ARHGAP35: variants seen among roughly 807,000 people sequenced by gnomAD.
ARHGAP35 encodes the protein Rho GTPase activating protein 35.
ARHGAP35 carries 15 observed loss-of-function variants against 111.1 expected under a neutral mutation model. The ratio of observed to expected loss-of-function variants is 0.13; its 90% CI spans 0.09 to 0.21. ARHGAP35 has a LOEUF of 0.21. ARHGAP35 is among the 10% of genes least tolerant of loss of function. The pLI is 1.00. For missense variants in ARHGAP35, 1,262 were observed against 1,873.0 expected (o/e 0.67, Z 6.02); for synonymous variants, 643 against 710.3 (o/e 0.91, Z 1.51).
At chr19:46,868,428 G>A (rs879492596) in intron 1 of ARHGAP35, among the ~76,000 whole-genome samples, 3 of 152,220 alleles carry the variant, frequency 2.0e-5, no homozygotes, top group Non-Finnish European at 4.4e-5. Context: ...TCTGATTAAT[G>A]TCTGGCTCCT....
At chr19:46,886,470 A>C (rs575429839) in intron 1 of ARHGAP35, among the ~76,000 whole-genome samples, 1 of 151,590 alleles carries the variant, frequency 6.6e-6, no homozygotes, top group African/African-American at 2.4e-5. Flanking sequence ...AAATGCTTTC[A>C]CTAGCTGAAA....
rs1180180521 is a variant in ARHGAP35, at chr19:46,918,572, T to C, written c.-104T>C. The C allele has an allele frequency of 8.4e-7, 1 of 1,184,274 alleles. No individual in the cohort carries two copies. The highest frequency in any genetic ancestry group is 2.3e-5 in the East Asian group (1 of 42,646). 73.4% of individuals were successfully genotyped at this position (1,184,274 alleles called of 1,614,324 possible). A position where few individuals can be genotyped will look rare whatever the true frequency, so the allele number is the denominator to read the frequency against. Reference sequence around the variant, plus strand: ...ACACTATGGGACCTGGCATTTTTGCTGCATGTCCAGCCCACCCCCACTAAT... The same window carrying C: ...ACACTATGGGACCTGGCATTTTTGCCGCATGTCCAGCCCACCCCCACTAAT... On this transcript the variant is annotated 5_prime_UTR_variant, in exon 2 of 7. Coordinates refer to ENST00000672722, the MANE Select transcript of ARHGAP35 (RefSeq NM_004491.5). The surrounding 1 kb of genome is among the most constrained non-coding windows in gnomAD (Gnocchi z 5.4).
intron 1 of ARHGAP35, among the ~76,000 whole-genome samples, chr19:46,911,923 A>C (rs2056139463): frequency 6.6e-6 from 1 of 152,230 alleles, no homozygotes; most frequent in African/African-American, 2.4e-5. Context: ...AGGAAAAACA[A>C]AAACCCTAAG....
At chr19:46,973,614 C>T (rs1568484216) in intron 3 of ARHGAP35, among the ~76,000 whole-genome samples, 1 of 151,918 alleles carries the variant, frequency 6.6e-6, no homozygotes, top group East Asian at 1.9e-4. Context: ...TGGCGTGAAC[C>T]CAGGAGGCAG....
rs891038823 is a variant in ARHGAP35, at chr19:47,001,002, G to C, written c.*314G>C. The C allele has an allele frequency of 5.2e-5, 77 of 1,471,896 alleles. No homozygotes were observed. The African/African-American group carries it at 8.6e-4, about 17-fold the overall frequency. 91.2% of individuals were successfully genotyped at this position (1,471,896 alleles called of 1,614,324 possible). On this transcript the variant is annotated 3_prime_UTR_variant, in exon 7 of 7. Coordinates refer to ENST00000672722, the MANE Select transcript of ARHGAP35 (RefSeq NM_004491.5). The surrounding 1 kb of genome is among the most constrained non-coding windows in gnomAD (Gnocchi z 5.4). ...TAGCTGCTCACACCAGCCTCCGGGT[G>C]CCTCCCTCTGCTTGTACAGAGCCCA...
intron 3 of ARHGAP35, chr19:46,946,519 C>T (rs1326330274): frequency 6.6e-6 from 1 of 152,142 alleles, no homozygotes; most frequent in Non-Finnish European, 1.5e-5. Flanking sequence ...CTGAAGTTCA[C>T]ATTTATTTTC....
intron 3 of ARHGAP35, among the ~76,000 whole-genome samples, chr19:46,969,412 G>GCCA (rs1415298066): frequency 6.6e-6 from 1 of 152,144 alleles, no homozygotes; most frequent in African/African-American, 2.4e-5. Context: ...TGTTCTTTTT[G>GCCA]AGGTGGGTCC....
At chr19:46,880,947 C>CTTTT (rs1206653160) in intron 1 of ARHGAP35, among the ~76,000 whole-genome samples, 3 of 113,744 alleles carry the variant, frequency 2.6e-5, no homozygotes, top group East Asian at 2.6e-4. Flanking sequence ...AATGAATGTT[C>CTTTT]TTTTTTTTTT....
At chr19:46,975,309 A>G (rs1461483056) in intron 3 of ARHGAP35, among the ~76,000 whole-genome samples, 1 of 152,190 alleles carries the variant, frequency 6.6e-6, no homozygotes, top group African/African-American at 2.4e-5. Flanking sequence ...CCCCTCCTGC[A>G]GGGGTCCTAA....
chr19:46,922,170 G>A lies in ARHGAP35; in HGVS notation c.3495G>A (p.Leu1165=), dbSNP rs2056206175. The A allele has an allele frequency of 1.2e-6, 2 of 1,614,014 alleles. No homozygotes were observed. The highest frequency in any genetic ancestry group is 8.5e-7 in the Non-Finnish European group (1 of 1,179,896). ...TGTACAGGACGAGATGCACCCGGCT[G>A]GGGCGGTTTGCTAGTTACCGGACCA... is the stretch of plus-strand genomic sequence containing the variant. The part of the protein sequence containing the change: ...PVLYRTRCTR[L]GRFASYRTSF... Residue 1165 remains leucine, a synonymous_variant, in exon 2 of 7, where the codon CTG becomes CTA. Coordinates refer to ENST00000672722, the MANE Select transcript of ARHGAP35 (RefSeq NM_004491.5). This position sits in a 1 kb window ranked among gnomAD's most constrained non-coding sequence, Gnocchi z 4.0.
At position 46,890,809 on chromosome 19, in the gene ARHGAP35, T is replaced by C. The variant is rs372921357; in HGVS notation, c.-188-27679T>C. ...ACTTAAAAACTATTGACTCTATTTC[T>C]CTACTTTTCTGTCGACAACAGTATA... is the stretch of plus-strand genomic sequence containing the variant. On this transcript the variant is annotated intron_variant, in intron 1 of 6. Coordinates refer to ENST00000672722, the MANE Select transcript of ARHGAP35 (RefSeq NM_004491.5). Among the ~76,000 whole-genome samples, 6 of 152,354 alleles carry C rather than the reference T, an allele frequency of 3.9e-5. No homozygotes were observed. The East Asian group carries it at 1.2e-3, about 29-fold the overall frequency.
chr19:46,980,546 T>G (rs2122318833), intron 3 of ARHGAP35, among the ~76,000 whole-genome samples: 1 of 152,230 alleles, frequency 6.6e-6, no homozygotes. Flanking sequence ...CCAAGGTCAT[T>G]TTGGTGTCAA....
At chr19:46,960,339 G>C (rs2056472542) in intron 3 of ARHGAP35, among the ~76,000 whole-genome samples, 1 of 152,064 alleles carries the variant, frequency 6.6e-6, no homozygotes, top group Non-Finnish European at 1.5e-5. Context: ...CTAGGCAGTG[G>C]GTGCCACAGG....
intron 3 of ARHGAP35, among the ~76,000 whole-genome samples, chr19:46,980,378 C>G (rs549562832): frequency 2.0e-5 from 3 of 152,222 alleles, no homozygotes; most frequent in Admixed American, 6.5e-5. Flanking sequence ...GAGTGAAACT[C>G]TTGTCATCTC....
At chr19:46,876,325 G>T (rs529465571) in intron 1 of ARHGAP35, among the ~76,000 whole-genome samples, 59 of 151,806 alleles carry the variant, frequency 3.9e-4, no homozygotes, top group African/African-American at 1.4e-3. Flanking sequence ...CCTCTGAGTA[G>T]CTGGGACCAC....
At chr19:46,878,204 G>C (rs1474611035) in intron 1 of ARHGAP35, among the ~76,000 whole-genome samples, 1 of 151,816 alleles carries the variant, frequency 6.6e-6, no homozygotes. Context: ...TGTATTTTTA[G>C]TAAAAACGGG....
Position 46,919,790 on chromosome 19 carries a change from C to G in ARHGAP35, c.1115C>G (p.Thr372Ser). Residue 372 changes from threonine (T) to serine (S), a missense_variant, in exon 2 of 7, where the codon ACC becomes AGC. Transcript: ENST00000672722. This position sits in a 1 kb window ranked among gnomAD's most constrained non-coding sequence, Gnocchi z 6.2. ...ATAAAAGCCAAAAAGCTCTTAGAAA[C>G]CAAGCCAGAATTCTTGAAGTGGTTT... ...SCIKAKKLLE[T>S]KPEFLKWFVV... 4 of 1,614,012 alleles carry G rather than the reference C, an allele frequency of 2.5e-6. No individual in the cohort carries two copies. The highest frequency in any genetic ancestry group is 3.4e-6 in the Non-Finnish European group (4 of 1,179,894).
Position 46,984,084 on chromosome 19 carries a change from G to A in ARHGAP35, c.3827-3905G>A, listed in dbSNP as rs560175914. Among the ~76,000 whole-genome samples, 37 of 152,286 alleles carry A rather than the reference G, an allele frequency of 2.4e-4. No individual in the cohort carries two copies. In the South Asian group the frequency reaches 7.7e-3, roughly 32 times the overall value. On this transcript the variant is annotated intron_variant, in intron 3 of 6. Transcript: ENST00000672722. ...ACATAGAAGATAATTGCAGCCAGTAGGGAGGGCTTTTAAAAAAGAAGGAGA... is the reference window on the plus strand; with the variant it reads ...ACATAGAAGATAATTGCAGCCAGTAAGGAGGGCTTTTAAAAAAGAAGGAGA...
At chr19:46,949,622 A>G (rs529050827) in intron 3 of ARHGAP35, among the ~76,000 whole-genome samples, 3 of 152,334 alleles carry the variant, frequency 2.0e-5, no homozygotes, top group African/African-American at 7.2e-5. Flanking sequence ...TGTGAAACCC[A>G]TGAAACTTGG....
Sources: allele counts gnomAD v4.1 joint callset (sites outside exome capture counted in the v4.1 genomes callset), GRCh38; gene constraint gnomAD v4.1.1; non-coding constraint Gnocchi (gnomAD v3.1); transcripts MANE v1.5; gene names NCBI Gene and HGNC (gene_info 2026-07-23, HGNC 2026-07-21).